The following MARCHF2 variants were observed in gnomAD, a reference collection of about 807,000 sequenced individuals.
MARCHF2 encodes E3 ubiquitin-protein ligase MARCHF2.
Under a neutral mutation model 24.0 loss-of-function variants are expected in MARCHF2, and 22 were observed. The ratio of observed to expected loss-of-function variants is 0.92; its 90% CI spans 0.66 to 1.31. The LOEUF (loss-of-function observed/expected upper bound fraction) is 1.31, where lower values mean the gene tolerates loss of function less well. MARCHF2 is among the 50% of genes most tolerant of loss of function. The pLI, the probability that MARCHF2 is intolerant of heterozygous loss-of-function variation, is 0.00. For synonymous variants in MARCHF2, 154 were observed against 153.0 expected, an observed-to-expected ratio of 1.01 and a Z score of -0.05; for missense variants, 301 against 335.3, an observed-to-expected ratio of 0.90 and a Z score of 0.80.
intron 4 of MARCHF2, among the ~76,000 whole-genome samples, chr19:8,435,252 T>G (rs1233496216): frequency 6.6e-6 from 1 of 152,038 alleles, no homozygotes; most frequent in African/African-American, 2.4e-5. Context: ...TTTCTTGACC[T>G]CGTGATCCGC....
chr19:8,435,822 C>T (rs1475922558), intron 4 of MARCHF2, among the ~76,000 whole-genome samples: 1 of 138,350 alleles, frequency 7.2e-6, no homozygotes, highest in Admixed American at 8.0e-5. Flanking sequence ...AGCCACTGCA[C>T]CTGGCCTGTG....
rs1010525305 is a variant in MARCHF2, at chr19:8,430,061, A to C, written c.373-597A>C. Among the ~76,000 whole-genome samples the C allele has an allele frequency of 1.3e-5, 2 of 151,880 alleles. No individual in the cohort carries two copies. Among genetic ancestry groups the C allele is most frequent in the Non-Finnish European group, 2.9e-5 (2 of 67,986 alleles). On this transcript the variant is annotated intron_variant, in intron 3 of 4. Coordinates refer to ENST00000215555, the MANE Select transcript of MARCHF2 (RefSeq NM_001005415.2). The surrounding 1 kb of genome is among the most constrained non-coding windows in gnomAD (Gnocchi z 4.4). ...GGGCCTGGCTCCTCATGGGCTCAAT[A>C]AATGTTTGAAAGAAGGAAAGGGCCA...
In MARCHF2 at chr19:8,430,761, G is replaced by A; in HGVS notation, c.476G>A (p.Cys159Tyr). The A allele has an allele frequency of 3.1e-6, 5 of 1,611,318 alleles. No homozygotes were observed. Among genetic ancestry groups the A allele is most frequent in the Non-Finnish European group, 4.2e-6 (5 of 1,180,012 alleles). Residue 159 changes from cysteine (C) to tyrosine (Y), a missense_variant, in exon 4 of 5, where the codon TGC becomes TAC. Transcript: ENST00000215555. The surrounding 1 kb of genome is among the most constrained non-coding windows in gnomAD (Gnocchi z 4.4). ...CTGGCCGCCATCTCAGGCTGGTTGT[G>A]CCTGCGCGGGGCCCAGGACCACCTC... ...TPLAAISGWL[C>Y]LRGAQDHLRL... is the part of the protein sequence containing the mutation.
At chr19:8,414,956 G>A (rs759710460) in intron 1 of MARCHF2, among the ~76,000 whole-genome samples, 5 of 152,222 alleles carry the variant, frequency 3.3e-5, no homozygotes, top group Admixed American at 6.6e-5. Flanking sequence ...TTGAGGTCCA[G>A]AACCACTCCC....
chr19:8,415,745 A>AAAAAAAAAAAAAAAAAAC (rs1568233711), intron 1 of MARCHF2, among the ~76,000 whole-genome samples: 7 of 53,986 alleles, frequency 1.3e-4, no homozygotes, highest in Non-Finnish European at 2.0e-4. Context: ...CAAAAAAAAC[A>AAAAAAAAAAAAAAAAAAC]AAAAAAAAAA....
chr19:8,419,450 C>T (rs565250804), intron 1 of MARCHF2, among the ~76,000 whole-genome samples: 7 of 148,186 alleles, frequency 4.7e-5, no homozygotes, highest in Non-Finnish European at 9.0e-5. Context: ...GCCAAGATCG[C>T]GCCATTGCAC....
Position 8,430,909 on chromosome 19 carries a change from C to A in MARCHF2, c.582+42C>A. 6.6e-7 allele frequency: 1 copy of A among 1,522,036 alleles called. No individual in the cohort carries two copies. The highest frequency in any genetic ancestry group is 8.8e-7 in the Non-Finnish European group (1 of 1,131,304). The allele number at this position is 1,522,036 out of a possible 1,614,324, so 94.3% of individuals were successfully genotyped here. On this transcript the variant is annotated intron_variant, in intron 4 of 4. Transcript: ENST00000215555. This position sits in a 1 kb window ranked among gnomAD's most constrained non-coding sequence, Gnocchi z 4.4. ...GTGCAGCACGCGTCTCGAGCTCTGC[C>A]GCTGGGAGCAGCAGGGCCAAGGATT...
chr19:8,422,545 A>G (rs1967277611), intron 2 of MARCHF2, among the ~76,000 whole-genome samples: 1 of 151,516 alleles, frequency 6.6e-6, no homozygotes, highest in Admixed American at 6.6e-5. Flanking sequence ...GGCACCCGTC[A>G]CCACACCTGG....
At chr19:8,434,850 C>A (rs926500143) in intron 4 of MARCHF2, among the ~76,000 whole-genome samples, 2 of 149,370 alleles carry the variant, frequency 1.3e-5, no homozygotes, top group Non-Finnish European at 3.0e-5. Context: ...GGGATTAAGG[C>A]ATCTGCCACC....
intron 2 of MARCHF2, among the ~76,000 whole-genome samples, chr19:8,424,813 C>CG (rs1452759024): frequency 6.6e-6 from 1 of 152,098 alleles, no homozygotes; most frequent in Non-Finnish European, 1.5e-5. Flanking sequence ...CTGGAGTTTA[C>CG]GGGGAAACAA....
At chr19:8,417,945 A>G (rs1305589956) in intron 1 of MARCHF2, among the ~76,000 whole-genome samples, 3 of 145,956 alleles carry the variant, frequency 2.1e-5, no homozygotes, top group Admixed American at 7.0e-5. Flanking sequence ...TTGTATTTTT[A>G]GTAGACACGG....
chr19:8,417,981 C>T (rs1967129843), intron 1 of MARCHF2, among the ~76,000 whole-genome samples: 1 of 150,494 alleles, frequency 6.6e-6, no homozygotes. Flanking sequence ...TCAGGCTCGT[C>T]TTGAACTCCT....
intron 1 of MARCHF2, among the ~76,000 whole-genome samples, chr19:8,416,322 C>T (rs1302866109): frequency 2.3e-5 from 3 of 128,266 alleles, no homozygotes; most frequent in African/African-American, 9.0e-5. Context: ...GCCTGGGCGA[C>T]AGAGCGAGAC....
chr19:8,415,019 T>G (rs1967039650), intron 1 of MARCHF2, among the ~76,000 whole-genome samples: 2 of 152,186 alleles, frequency 1.3e-5, no homozygotes, highest in Middle Eastern at 3.2e-3. Flanking sequence ...CTATATGACC[T>G]TGGGAAAGTA....
chr19:8,418,976 T>C (rs368256064), intron 1 of MARCHF2, among the ~76,000 whole-genome samples: 73 of 151,942 alleles, frequency 4.8e-4, no homozygotes, highest in African/African-American at 1.7e-3. Flanking sequence ...CTCTTGGGGG[T>C]TGGACAAGCT....
intron 4 of MARCHF2, among the ~76,000 whole-genome samples, chr19:8,437,245 G>T (rs1967750414): frequency 6.6e-6 from 1 of 151,894 alleles, no homozygotes; most frequent in South Asian, 2.1e-4. Context: ...CTCCTAAAGT[G>T]CTGGGATTAC....
rs1347006837 is a variant in MARCHF2 at position 8,430,708 on chromosome 19, C to T, written c.423C>T (p.Asp141=). Residue 141 remains aspartate (D), a synonymous_variant, in exon 4 of 5, where the codon GAC becomes GAT. Transcript: ENST00000215555. The surrounding 1 kb of genome is among the most constrained non-coding windows in gnomAD (Gnocchi z 4.4). ...PRTEKRTLCC[D]MVCFLFITPL... ...CGGAGAAGCGGACACTGTGCTGCGA[C>T]ATGGTGTGTTTCCTGTTCATCACAC... The T allele has an allele frequency of 1.9e-6, 3 of 1,611,254 alleles. No individual in the cohort carries two copies. Among genetic ancestry groups the T allele is most frequent in the Non-Finnish European group, 2.5e-6 (3 of 1,179,960 alleles).
intron 3 of MARCHF2, among the ~76,000 whole-genome samples, chr19:8,429,464 A>G (rs971088739): frequency 2.8e-4 from 41 of 146,320 alleles, no homozygotes; most frequent in African/African-American, 9.6e-4. Flanking sequence ...CAAAAAAATC[A>G]AAGAAATGAA....
intron 4 of MARCHF2, among the ~76,000 whole-genome samples, chr19:8,433,025 C>T (rs900146791): frequency 1.3e-5 from 2 of 151,790 alleles, no homozygotes; most frequent in African/African-American, 4.8e-5. Context: ...TTGAGACCAG[C>T]CTGGGCAAAG....
Sources: gnomAD v4.1 joint callset for allele counts (sites outside exome capture counted in the v4.1 genomes callset) on GRCh38, gnomAD v4.1.1 for gene constraint, Gnocchi (gnomAD v3.1) non-coding constraint, MANE v1.5 for transcripts, NCBI Gene and HGNC (gene_info 2026-07-23, HGNC 2026-07-21) for gene names.